Variants in COL21A1 observed in about 807,000 individuals in gnomAD.
COL21A1 encodes collagen alpha-1(XXI) chain.
Under a neutral mutation model 137.9 loss-of-function variants are expected in COL21A1, and 149 were observed. The ratio of observed to expected loss-of-function variants is 1.08; its 90% confidence interval spans 0.95 to 1.24. The LOEUF (loss-of-function observed/expected upper bound fraction) is 1.24. COL21A1 is among the 50% of genes most tolerant of loss of function. The pLI, the probability that COL21A1 is intolerant of heterozygous loss-of-function variation, is 0.00. For missense variants in COL21A1, 1,167 were observed against 1,158.4 expected, an observed-to-expected ratio of 1.01 and a Z score of -0.11; for synonymous variants, 456 against 391.5, an observed-to-expected ratio of 1.16 and a Z score of -1.95.
At chr6:56,150,565 C>CA (rs752881244) in intron 10 of COL21A1, among the ~76,000 whole-genome samples, 3 of 112,600 alleles carry the variant, frequency 2.7e-5, no homozygotes, top group African/African-American at 3.6e-5. Context: ...CACACACACA[C>CA]AAGAGTGGGG....
chr6:56,166,880 G>C (rs1438497722), intron 7 of COL21A1, 26 bp downstream of exon 7: 3 of 1,573,214 alleles, frequency 1.9e-6, no homozygotes, highest in Non-Finnish European at 2.6e-6. Flanking sequence ...GCAACATCTG[G>C]GAAAAAAACA....
chr6:56,090,326 A>G (rs1768682078), intron 17 of COL21A1, among the ~76,000 whole-genome samples: 1 of 152,224 alleles, frequency 6.6e-6, no homozygotes. Context: ...ATGTTACTTT[A>G]TGTTATTGTT....
At chr6:56,342,710 T>C (rs35702599) in intron 1 of COL21A1, among the ~76,000 whole-genome samples, 2 of 152,252 alleles carry the variant, frequency 1.3e-5, no homozygotes, top group Admixed American at 1.3e-4. Context: ...ATTAATCTTG[T>C]TATCTCCTTT....
intron 1 of COL21A1, among the ~76,000 whole-genome samples, chr6:56,281,072 T>G (rs961316595): frequency 2.6e-5 from 4 of 152,164 alleles, no homozygotes; most frequent in African/African-American, 9.7e-5. Flanking sequence ...TCCATCCTAC[T>G]ACACCACACT....
chr6:56,138,261 A>G (rs1033766360), intron 12 of COL21A1, among the ~76,000 whole-genome samples: 2 of 150,946 alleles, frequency 1.3e-5, no homozygotes, highest in African/African-American at 4.9e-5. Flanking sequence ...TAATATTCTT[A>G]TTATTTACTA....
In COL21A1 at chr6:56,324,679, T is replaced by C. The variant is rs566316425; in HGVS notation, c.-39+69292A>G. Among the ~76,000 whole-genome samples the C allele has an allele frequency of 2.0e-3, 303 of 152,106 alleles. 1 individual carries two copies. The highest frequency in any genetic ancestry group is 6.9e-3 in the African/African-American group (288 of 41,502). On this transcript the variant is annotated intron_variant, in intron 1 of 28. Transcript: ENST00000370819. ...ATCTGAACAGCCACGGACCCCCAAG[T>C]ATATTACATTAATATAATCACTTGG... is the stretch of plus-strand genomic sequence containing the variant.
chr6:56,142,600 A>G (rs17818561), intron 10 of COL21A1, among the ~76,000 whole-genome samples: 22,985 of 152,106 alleles, frequency 0.15, 1,771 homozygotes, highest in Middle Eastern at 0.22. Flanking sequence ...TGGAACTTTG[A>G]TAAAATAGCA....
chr6:56,113,271 T>A (rs1462980319), intron 16 of COL21A1, among the ~76,000 whole-genome samples: 4 of 152,198 alleles, frequency 2.6e-5, no homozygotes, highest in Non-Finnish European at 5.9e-5. Flanking sequence ...GCAAAGCTCA[T>A]GGATCCAAAA....
chr6:56,126,280 G>T, intron 12 of COL21A1, 131 bp from the exon 13 acceptor site: 1 of 600,734 alleles, frequency 1.7e-6, no homozygotes, highest in Non-Finnish European at 3.0e-6. Context: ...TTTCATATCA[G>T]CATTCAATTA....
Position 56,210,440 on chromosome 6 carries a change from TA to T in COL21A1, c.-38-27785del, listed in dbSNP as rs1275784523. On this transcript the variant is annotated intron_variant, in intron 1 of 29. Transcript: ENST00000244728. ...GTAATAAAACATGATGGAGAAACAATAAATTCTAGAGTAACAGTATTCAAAA... is the reference window on the plus strand; with the variant it reads ...GTAATAAAACATGATGGAGAAACAATAATTCTAGAGTAACAGTATTCAAAA... Among the ~76,000 whole-genome samples the T allele has an allele frequency of 2.0e-5, 3 of 152,074 alleles. No homozygotes were observed. The East Asian group carries it at 5.8e-4, about 29-fold the overall frequency.
At chr6:56,058,710 T>C (rs1765539758) in intron 29 of COL21A1, among the ~76,000 whole-genome samples, 1 of 152,188 alleles carries the variant, frequency 6.6e-6, no homozygotes, top group African/African-American at 2.4e-5. Flanking sequence ...AAGCACTACA[T>C]ATAGAAAGTA....
chr6:56,060,447 C>A, intron 27 of COL21A1: 1 of 502,452 alleles, frequency 2.0e-6, no homozygotes, highest in Non-Finnish European at 3.4e-6. Flanking sequence ...TGAAAGTGCC[C>A]CCAAAAGAAA....
chr6:56,063,667 T>C (rs1247120250), intron 24 of COL21A1, among the ~76,000 whole-genome samples: 1 of 152,076 alleles, frequency 6.6e-6, no homozygotes, highest in Non-Finnish European at 1.5e-5. Context: ...ACGTTGCAGA[T>C]AACCTTGGGG....
chr6:56,245,380 T>C (rs183280075), intron 1 of COL21A1, among the ~76,000 whole-genome samples: 1 of 152,310 alleles, frequency 6.6e-6, no homozygotes, highest in Admixed American at 6.5e-5. Flanking sequence ...GAAAGTTCCA[T>C]ATAAAGTATG....
intron 1 of COL21A1, among the ~76,000 whole-genome samples, chr6:56,244,937 C>T (rs1458549427): frequency 6.6e-6 from 1 of 152,128 alleles, no homozygotes; most frequent in Non-Finnish European, 1.5e-5. Context: ...TGATTGTATG[C>T]ATGTGTGTGT....
rs1779698519 is a variant in COL21A1, at chr6:56,205,386, A to G, written c.-38-22730T>C. Reference sequence around the variant, plus strand: ...GATCAAGAGGAAGAAAGGATATCAGAGACTGAAGGTCAACTTAATGAAATA... The same window carrying G: ...GATCAAGAGGAAGAAAGGATATCAGGGACTGAAGGTCAACTTAATGAAATA... On this transcript the variant is annotated intron_variant, in intron 1 of 29. Transcript: ENST00000244728. Among the ~76,000 whole-genome samples, 4 of 152,320 alleles carry G rather than the reference A, an allele frequency of 2.6e-5. No homozygotes were observed. In the South Asian group the frequency reaches 8.3e-4, roughly 32 times the overall value.
At chr6:56,367,272 T>C (rs889527894) in intron 1 of COL21A1, among the ~76,000 whole-genome samples, 10 of 152,204 alleles carry the variant, frequency 6.6e-5, no homozygotes, top group African/African-American at 2.4e-4. Context: ...AGAATCTCAA[T>C]ACTCTTTGCT....
chr6:56,295,996 C>T (rs1427278093), intron 1 of COL21A1, among the ~76,000 whole-genome samples: 2 of 151,840 alleles, frequency 1.3e-5, no homozygotes, highest in African/African-American at 4.8e-5. Flanking sequence ...GAGGAGACAT[C>T]CTTGCCTTAT....
At position 56,302,434 on chromosome 6, in the gene COL21A1, C is replaced by G. The variant is rs1292217358; in HGVS notation, c.-39+91537G>C. On this transcript the variant is annotated intron_variant, in intron 1 of 28. Coordinates refer to the COL21A1 transcript ENST00000370819. Reference sequence around the variant, plus strand: ...ATGATCGCCATTCTAACTGGTGTGACATGGTATCTCATTGTGGTTTTGATT... The same window carrying G: ...ATGATCGCCATTCTAACTGGTGTGAGATGGTATCTCATTGTGGTTTTGATT... Among the ~76,000 whole-genome samples, 341 of 151,908 alleles carry G rather than the reference C, an allele frequency of 2.2e-3. 2 individuals are homozygous for G. Among genetic ancestry groups the G allele is most frequent in the African/African-American group, 7.6e-3 (314 of 41,466 alleles).
Sources: gnomAD v4.1 joint callset for allele counts (sites outside exome capture counted in the v4.1 genomes callset) on GRCh38, gnomAD v4.1.1 for gene constraint, MANE v1.5 for transcripts, NCBI Gene and HGNC (gene_info 2026-07-23, HGNC 2026-07-21) for gene names.